The following TUSC3 variants were observed in gnomAD, a reference collection of about 807,000 sequenced individuals.
The protein encoded by TUSC3 is tumor suppressor candidate 3, also known as dolichyl-diphosphooligosaccharide--protein glycosyltransferase subunit TUSC3.
TUSC3 carries 45 observed loss-of-function variants against 44.8 expected under a neutral mutation model. That is an observed-to-expected ratio of 1.00 (90% confidence interval 0.79 to 1.29). The LOEUF is 1.29. TUSC3 is among the 50% of genes most tolerant of loss of function. The probability of loss-of-function intolerance (pLI) is 0.00; values close to 1 mark genes in which losing one functional copy is unlikely to be tolerated. For missense variants in TUSC3, 519 were observed against 437.9 expected (o/e 1.19, Z -1.65); for synonymous variants, 212 against 152.9 (o/e 1.39, Z -2.85).
intron 1 of TUSC3, among the ~76,000 whole-genome samples, chr8:15,417,863 T>C (rs1198616913): frequency 6.6e-6 from 1 of 152,104 alleles, no homozygotes; most frequent in Non-Finnish European, 1.5e-5. Context: ...ACTCTCAGTA[T>C]GGAGCTGTCT....
chr8:15,488,083 A>G (rs1206166282), intron 2 of TUSC3, among the ~76,000 whole-genome samples: 1 of 152,116 alleles, frequency 6.6e-6, no homozygotes, highest in Non-Finnish European at 1.5e-5. Context: ...TGAGAAGGGA[A>G]GGAAGATTTA....
chr8:15,675,012 C>T (rs1377912633), intron 6 of TUSC3, among the ~76,000 whole-genome samples: 4 of 151,982 alleles, frequency 2.6e-5, no homozygotes, highest in South Asian at 4.2e-4. Flanking sequence ...TATACTCTGT[C>T]TCCCTCTCCT....
intron 1 of TUSC3, among the ~76,000 whole-genome samples, chr8:15,548,265 G>A (rs921852674): frequency 1.3e-5 from 2 of 151,860 alleles, no homozygotes; most frequent in East Asian, 3.9e-4. Context: ...ACTGACAGTA[G>A]ATTGGTTTGG....
At chr8:15,418,024 C>T (rs1799680741) in intron 1 of TUSC3, among the ~76,000 whole-genome samples, 1 of 152,142 alleles carries the variant, frequency 6.6e-6, no homozygotes, top group African/African-American at 2.4e-5. Context: ...ACAAAAGCTT[C>T]CCAGGTTCCG....
intron 6 of TUSC3, among the ~76,000 whole-genome samples, chr8:15,706,804 T>C (rs1354721888): frequency 6.6e-6 from 1 of 151,834 alleles, no homozygotes; most frequent in African/African-American, 2.4e-5. Flanking sequence ...CAATGACACT[T>C]TAATAAAGTA....
chr8:15,549,997 G>C (rs1386796984), intron 1 of TUSC3, among the ~76,000 whole-genome samples: 3 of 151,712 alleles, frequency 2.0e-5, no homozygotes, highest in Non-Finnish European at 2.9e-5. Context: ...ACTCTAAGGG[G>C]ATCCATGTGA....
chr8:15,433,039 G>A (rs890632141), intron 1 of TUSC3, among the ~76,000 whole-genome samples: 9 of 152,298 alleles, frequency 5.9e-5, no homozygotes, highest in African/African-American at 2.2e-4. Context: ...AGAAACTGAA[G>A]GGAGTTGATA....
the TUSC3 span, among the ~76,000 whole-genome samples, chr8:15,828,657 T>G: frequency 6.6e-6 from 1 of 152,340 alleles, no homozygotes; most frequent in African/African-American, 2.4e-5. Flanking sequence ...AATGATATTT[T>G]CCTTACAAAA....
At position 15,645,476 on chromosome 8, in the gene TUSC3, C is replaced by A. The variant is rs533211582; in HGVS notation, c.309-5221C>A. On this transcript the variant is annotated intron_variant, in intron 2 of 10. Coordinates refer to ENST00000503731, the MANE Select transcript of TUSC3 (RefSeq NM_006765.4). ...TCGAACTGTTCCAGCTCACTATTAT[C>A]TCATCCTCTGTATGCTGTATAGCAC... is the stretch of plus-strand genomic sequence containing the variant. Among the ~76,000 whole-genome samples the A allele has an allele frequency of 4.6e-5, 7 of 152,146 alleles. No individual in the cohort carries two copies. In the South Asian group the frequency reaches 1.2e-3, roughly 27 times the overall value.
chr8:15,490,126 T>C (rs1010250674), intron 2 of TUSC3, among the ~76,000 whole-genome samples: 1 of 152,198 alleles, frequency 6.6e-6, no homozygotes, highest in Non-Finnish European at 1.5e-5. Flanking sequence ...TTTGGTTTTA[T>C]TTACTATTTT....
rs556167735 is a variant in TUSC3 at position 15,459,856 on chromosome 8, ATGTG to A, written n.92-23514_92-23511del. ...TTTGTGTGTGTGTGTGTGTGTGTGT[ATGTG>A]TGTGTGTGTGTGTGTATACATACAT... On this transcript the variant is annotated intron_variant and non_coding_transcript_variant, in intron 1 of 5. Coordinates refer to the TUSC3 transcript ENST00000503191. Among the ~76,000 whole-genome samples the A allele has an allele frequency of 1.3e-4, 18 of 139,524 alleles. No homozygotes were observed. In the South Asian group the frequency reaches 1.8e-3, roughly 14 times the overall value. 91.5% of individuals were successfully genotyped at this position (139,524 alleles called of 152,430 possible).
intron 6 of TUSC3, among the ~76,000 whole-genome samples, chr8:15,704,847 G>C (rs953030738): frequency 6.6e-6 from 1 of 151,672 alleles, no homozygotes; most frequent in Non-Finnish European, 1.5e-5. Context: ...AGATAAACTG[G>C]GAATCAAAAG....
At chr8:15,740,603 G>A (rs568286757) in intron 7 of TUSC3, among the ~76,000 whole-genome samples, 1 of 151,990 alleles carries the variant, frequency 6.6e-6, no homozygotes, top group African/African-American at 2.4e-5. Context: ...ACCAAGTGGT[G>A]AGCTATTCGT....
At chr8:15,730,147 T>A (rs1810659051) in intron 6 of TUSC3, among the ~76,000 whole-genome samples, 1 of 152,132 alleles carries the variant, frequency 6.6e-6, no homozygotes, top group Non-Finnish European at 1.5e-5. Flanking sequence ...TCAACTGTTA[T>A]CAACTATATA....
chr8:15,719,570 T>C (rs1426679488), intron 6 of TUSC3, among the ~76,000 whole-genome samples: 1 of 151,388 alleles, frequency 6.6e-6, no homozygotes. Flanking sequence ...CTAGAGATCA[T>C]TGCTTTGTTC....
At chr8:15,819,970 A>C in the TUSC3 span, among the ~76,000 whole-genome samples, 1 of 152,286 alleles carries the variant, frequency 6.6e-6, no homozygotes, top group Middle Eastern at 3.4e-3. Flanking sequence ...AAAGGCAGTT[A>C]TTATGTTGTC....
At chr8:15,684,213 G>C (rs73197124) in intron 6 of TUSC3, among the ~76,000 whole-genome samples, 1 of 151,832 alleles carries the variant, frequency 6.6e-6, no homozygotes, top group African/African-American at 2.4e-5. Flanking sequence ...AGGGGTGGGT[G>C]GGGGGCAGGC....
intron 1 of TUSC3, among the ~76,000 whole-genome samples, chr8:15,543,839 C>G (rs191300891): frequency 1.5e-4 from 23 of 149,276 alleles, no homozygotes; most frequent in Admixed American, 2.0e-4. Flanking sequence ...ATTCCAAATT[C>G]TCTTACGTTG....
At chr8:15,540,252 G>T (rs1301368558), upstream of TUSC3, 9 of 867,758 alleles carry the variant, frequency 1.0e-5, no homozygotes, top group Non-Finnish European at 1.4e-5. Context: ...CGGTGAACCG[G>T]ATGCTCTGTC....
Sources: gnomAD v4.1 joint callset for allele counts (sites outside exome capture counted in the v4.1 genomes callset) on GRCh38, gnomAD v4.1.1 for gene constraint, MANE v1.5 for transcripts, NCBI Gene and HGNC (gene_info 2026-07-23, HGNC 2026-07-21) for gene names.